The following PCDH9 variants were observed in gnomAD, a reference collection of about 807,000 sequenced individuals.
PCDH9 encodes protocadherin 9, also known as protocadherin-9.
PCDH9 carries 24 observed loss-of-function variants against 70.6 expected under a neutral mutation model. That is an observed-to-expected ratio of 0.34 (90% CI 0.25 to 0.48). PCDH9 has a LOEUF of 0.48. Among genes scored for constraint, PCDH9 ranks in the 20% least tolerant of loss-of-function variants. PCDH9 has a pLI of 0.99. For synonymous variants in PCDH9, 562 were observed against 558.5 expected, an observed-to-expected ratio of 1.01 and a Z score of -0.09; for missense variants, 1,281 against 1,503.6, an observed-to-expected ratio of 0.85 and a Z score of 2.45.
intron 4 of PCDH9, among the ~76,000 whole-genome samples, chr13:66,376,199 T>C (rs567873749): frequency 1.4e-4 from 21 of 152,190 alleles, no homozygotes; most frequent in African/African-American, 4.3e-4. Context: ...GGAGGGTCAC[T>C]AAACTGTCAC....
intron 2 of PCDH9, among the ~76,000 whole-genome samples, chr13:67,005,083 G>A (rs1388773262): frequency 2.7e-5 from 4 of 150,144 alleles, no homozygotes; most frequent in African/African-American, 9.7e-5. Flanking sequence ...AACAGATACT[G>A]TGTTCCAAGT....
intron 3 of PCDH9, among the ~76,000 whole-genome samples, chr13:66,730,295 T>C (rs1185574520): frequency 6.6e-6 from 1 of 152,212 alleles, no homozygotes; most frequent in Non-Finnish European, 1.5e-5. Context: ...TACTTTTTCA[T>C]AGCATGTTTG....
At chr13:66,519,166 A>C (rs1327392529) in intron 4 of PCDH9, among the ~76,000 whole-genome samples, 2 of 152,176 alleles carry the variant, frequency 1.3e-5, no homozygotes, top group Admixed American at 1.3e-4. Flanking sequence ...GTGCTTTGAC[A>C]TCCTATTCTG....
intron 2 of PCDH9, among the ~76,000 whole-genome samples, chr13:67,183,883 C>T (rs1260188881): frequency 2.0e-5 from 3 of 152,090 alleles, no homozygotes; most frequent in Non-Finnish European, 4.4e-5. Flanking sequence ...AATATTATGT[C>T]CCTTTGGTGA....
intron 3 of PCDH9, among the ~76,000 whole-genome samples, chr13:66,731,232 A>G (rs1401692037): frequency 1.3e-5 from 2 of 152,052 alleles, no homozygotes; most frequent in Non-Finnish European, 2.9e-5. Flanking sequence ...GAGAAGGTTT[A>G]GAAAATAAAA....
intron 4 of PCDH9, among the ~76,000 whole-genome samples, chr13:66,614,295 T>C (rs1192861008): frequency 2.0e-5 from 3 of 152,196 alleles, no homozygotes; most frequent in African/African-American, 7.2e-5. Flanking sequence ...ATTGTGGAAA[T>C]TAATCTTGCA....
At chr13:66,438,060 C>T (rs1957906802) in intron 4 of PCDH9, among the ~76,000 whole-genome samples, 1 of 151,654 alleles carries the variant, frequency 6.6e-6, no homozygotes, top group Non-Finnish European at 1.5e-5. Flanking sequence ...ATGGTGAAAC[C>T]CCATCTCTAC....
chr13:66,423,866 T>A (rs533874330), intron 4 of PCDH9, among the ~76,000 whole-genome samples: 28 of 152,272 alleles, frequency 1.8e-4, no homozygotes, highest in Admixed American at 1.1e-3. Flanking sequence ...GGTATTCAGA[T>A]ATGAAGAGAG....
intron 4 of PCDH9, among the ~76,000 whole-genome samples, chr13:66,531,341 C>T (rs1365623260): frequency 3.9e-5 from 6 of 151,968 alleles, no homozygotes; most frequent in Admixed American, 3.9e-4. Flanking sequence ...TCTTTATCCC[C>T]GCTTAATCAC....
At chr13:66,809,237 C>G (rs538162217) in intron 3 of PCDH9, among the ~76,000 whole-genome samples, 1 of 152,120 alleles carries the variant, frequency 6.6e-6, no homozygotes, top group Non-Finnish European at 1.5e-5. Flanking sequence ...CATGAGCCAC[C>G]GCGCCAGGCC....
intron 4 of PCDH9, among the ~76,000 whole-genome samples, chr13:66,406,380 G>A (rs1957281670): frequency 6.6e-6 from 1 of 152,142 alleles, no homozygotes; most frequent in East Asian, 1.9e-4. Context: ...TATTTGTGAT[G>A]CACACAGTCA....
chr13:67,039,944 C>T (rs2085079864), intron 2 of PCDH9, among the ~76,000 whole-genome samples: 1 of 151,752 alleles, frequency 6.6e-6, no homozygotes, highest in Non-Finnish European at 1.5e-5. Context: ...TGAAGTGTAG[C>T]TCACCTAGTT....
intron 2 of PCDH9, among the ~76,000 whole-genome samples, chr13:66,927,913 C>T (rs2082742450): frequency 6.6e-6 from 1 of 152,074 alleles, no homozygotes; most frequent in Non-Finnish European, 1.5e-5. Context: ...ACTGAATACA[C>T]ATTTGTTAGC....
intron 4 of PCDH9, among the ~76,000 whole-genome samples, chr13:66,325,569 G>C (rs1223015775): frequency 6.6e-6 from 1 of 152,070 alleles, no homozygotes; most frequent in African/African-American, 2.4e-5. Context: ...AGCCTTCAGA[G>C]AGATAAAGGA....
At chr13:66,713,623 GTGTA>G (rs1463226232) in intron 3 of PCDH9, among the ~76,000 whole-genome samples, 245 of 93,016 alleles carry the variant, frequency 2.6e-3, no homozygotes, top group Middle Eastern at 6.3e-3. Flanking sequence ...GTGTGTGTGT[GTGTA>G]TATATATATA....
intron 2 of PCDH9, among the ~76,000 whole-genome samples, chr13:67,006,831 TATA>T (rs1457310708): frequency 6.6e-6 from 1 of 152,198 alleles, no homozygotes; most frequent in East Asian, 1.9e-4. Context: ...GTGACTTATT[TATA>T]ATAATGACTT....
chr13:66,485,750 AT>A (rs928871679), intron 4 of PCDH9, among the ~76,000 whole-genome samples: 3 of 150,650 alleles, frequency 2.0e-5, no homozygotes, highest in Non-Finnish European at 3.0e-5. Flanking sequence ...TTTATTTTTT[AT>A]TTTTTTTGAG....
chr13:66,834,487 T>C (rs1472215800), intron 3 of PCDH9, among the ~76,000 whole-genome samples: 1 of 152,192 alleles, frequency 6.6e-6, no homozygotes. Context: ...ATGCATTTTA[T>C]ACAACTGTAC....
At chr13:66,775,144 T>A (rs2079870517) in intron 3 of PCDH9, among the ~76,000 whole-genome samples, 1 of 152,230 alleles carries the variant, frequency 6.6e-6, no homozygotes, top group African/African-American at 2.4e-5. Context: ...ACAAAACATT[T>A]GTTTGCTTTT....
Sources: gnomAD v4.1 joint callset for allele counts (sites outside exome capture counted in the v4.1 genomes callset) on GRCh38, gnomAD v4.1.1 for gene constraint, MANE v1.5 for transcripts, NCBI Gene and HGNC (gene_info 2026-07-23, HGNC 2026-07-21) for gene names.